Variants in DMXL1 observed in about 807,000 individuals in gnomAD.
The protein encoded by DMXL1 is dmX-like protein 1.
Under a neutral mutation model 319.2 loss-of-function variants are expected in DMXL1, and 99 were observed. That is an observed-to-expected ratio of 0.31 (90% CI 0.26 to 0.37). The LOEUF (loss-of-function observed/expected upper bound fraction) is 0.37. Among genes scored for constraint, DMXL1 ranks in the 10% least tolerant of loss-of-function variants. The pLI is 1.00. For synonymous variants in DMXL1, 1,385 were observed against 1,235.2 expected, an observed-to-expected ratio of 1.12 and a Z score of -2.54; for missense variants, 3,745 against 3,595.6, an observed-to-expected ratio of 1.04 and a Z score of -1.06.
At chr5:119,072,369 T>A (rs575170990) in intron 1 of DMXL1, among the ~76,000 whole-genome samples, 17 of 152,258 alleles carry the variant, frequency 1.1e-4, no homozygotes, top group East Asian at 3.9e-4. Context: ...GGTTTTTTTT[T>A]AATAACAATT....
rs749761677 is a variant in DMXL1 at position 119,120,957 on chromosome 5, T to A, written c.934-14T>A. On this transcript the variant is annotated splice_polypyrimidine_tract_variant and intron_variant, in intron 8 of 43. Coordinates refer to ENST00000539542, the MANE Select transcript of DMXL1 (RefSeq NM_001290321.3). Reference sequence around the variant, plus strand: ...TTGACAATATAGGTATTAGTTTTGTTTCTATTCACACAGGTAAATCTGAGA... The same window carrying A: ...TTGACAATATAGGTATTAGTTTTGTATCTATTCACACAGGTAAATCTGAGA... 21 of 1,598,096 alleles carry A rather than the reference T, an allele frequency of 1.3e-5. No individual in the cohort carries two copies. In the Admixed American group the frequency reaches 1.4e-4, roughly 11 times the overall value.
chr5:119,200,501 G>T (rs746624756), intron 32 of DMXL1, among the ~76,000 whole-genome samples: 3 of 152,130 alleles, frequency 2.0e-5, no homozygotes, highest in Non-Finnish European at 2.9e-5. Flanking sequence ...TCGAAATCAG[G>T]TAATGTGATT....
chr5:119,090,569 T>C (rs1754543635), intron 1 of DMXL1, among the ~76,000 whole-genome samples: 1 of 151,002 alleles, frequency 6.6e-6, no homozygotes, highest in South Asian at 2.1e-4. Context: ...GTTTTTTTTT[T>C]TTTTTTCTTT....
intron 30 of DMXL1, among the ~76,000 whole-genome samples, chr5:119,195,183 A>G (rs1164504234): frequency 6.6e-6 from 1 of 152,226 alleles, no homozygotes; most frequent in African/African-American, 2.4e-5. Flanking sequence ...GGAAAACGGT[A>G]TACTGGTTCC....
At chr5:119,072,717 G>T (rs1472528827) in intron 1 of DMXL1, among the ~76,000 whole-genome samples, 1 of 152,146 alleles carries the variant, frequency 6.6e-6, no homozygotes, top group Non-Finnish European at 1.5e-5. Flanking sequence ...GGCATTTAAT[G>T]CCTGAATTGT....
chr5:119,129,100 G>C (rs1764238176), intron 9 of DMXL1, 111 bp from the exon 10 acceptor site: 2 of 686,752 alleles, frequency 2.9e-6, no homozygotes, highest in South Asian at 4.6e-5. Flanking sequence ...TGAAAGAGAA[G>C]GACTTTCAGG....
At chr5:119,146,773 G>T in intron 15 of DMXL1, 64 bp from the exon 16 acceptor site, 4 of 1,438,160 alleles carry the variant, frequency 2.8e-6, no homozygotes, top group South Asian at 3.0e-5. Context: ...TTTTAACTTG[G>T]CATGTTTAGC....
chr5:119,089,787 C>G (rs1754295315), intron 1 of DMXL1, among the ~76,000 whole-genome samples: 1 of 151,360 alleles, frequency 6.6e-6, no homozygotes, highest in South Asian at 2.1e-4. Flanking sequence ...CCACCATACC[C>G]AGCTAATTTT....
intron 38 of DMXL1, among the ~76,000 whole-genome samples, chr5:119,226,268 T>C (rs779750955): frequency 1.9e-4 from 29 of 152,142 alleles, no homozygotes; most frequent in Non-Finnish European, 4.4e-5. Flanking sequence ...TTTTCCAGTA[T>C]ATCTTTTCAT....
At chr5:119,103,972 G>A (rs969972553) in intron 3 of DMXL1, among the ~76,000 whole-genome samples, 76 of 152,244 alleles carry the variant, frequency 5.0e-4, no homozygotes, top group African/African-American at 1.4e-3. Flanking sequence ...TTGCAGAAAG[G>A]ACAATAAAAA....
intron 35 of DMXL1, among the ~76,000 whole-genome samples, chr5:119,220,088 T>C (rs955885894): frequency 1.3e-5 from 2 of 152,024 alleles, no homozygotes; most frequent in African/African-American, 4.8e-5. Context: ...ATTATGTTTT[T>C]AGTTTGGAGT....
chr5:119,142,244 A>G (rs1228963079), intron 13 of DMXL1, among the ~76,000 whole-genome samples: 2 of 152,156 alleles, frequency 1.3e-5, no homozygotes, highest in African/African-American at 2.4e-5. Flanking sequence ...ATCATAACAG[A>G]GTAAATAGAC....
rs186686030 is a variant in DMXL1 at position 119,122,820 on chromosome 5, C to G, written c.1102+1681C>G. On this transcript the variant is annotated intron_variant, in intron 9 of 43. Transcript: ENST00000539542. Reference sequence around the variant, plus strand: ...GCAGAGATGCTCCTCACTTTCCAGACTGGGCAGCCAGGCAGAGGGGCTCCT... The same window carrying G: ...GCAGAGATGCTCCTCACTTTCCAGAGTGGGCAGCCAGGCAGAGGGGCTCCT... Among the ~76,000 whole-genome samples, 7 of 144,714 alleles carry G rather than the reference C, an allele frequency of 4.8e-5. No individual in the cohort carries two copies. The East Asian group carries it at 1.5e-3, about 31-fold the overall frequency. The allele number at this position is 144,714 out of a possible 152,430, so 94.9% of individuals were successfully genotyped here. A position where few individuals can be genotyped will look rare whatever the true frequency, so the allele number is the denominator to read the frequency against.
At chr5:119,086,162 A>G (rs1432898386) in intron 1 of DMXL1, among the ~76,000 whole-genome samples, 2 of 152,200 alleles carry the variant, frequency 1.3e-5, no homozygotes, top group Non-Finnish European at 2.9e-5. Flanking sequence ...AGAGAGAATG[A>G]GAGCCAAGCA....
At chr5:119,157,831 G>A (rs1463541238) in intron 19 of DMXL1, among the ~76,000 whole-genome samples, 1 of 151,730 alleles carries the variant, frequency 6.6e-6, no homozygotes, top group Non-Finnish European at 1.5e-5. Flanking sequence ...TGAATTTTAG[G>A]GTTTTTTTCT....
At chr5:119,172,928 A>G (rs1774879160) in intron 25 of DMXL1, among the ~76,000 whole-genome samples, 1 of 152,204 alleles carries the variant, frequency 6.6e-6, no homozygotes, top group Non-Finnish European at 1.5e-5. Context: ...CATAGTGCTT[A>G]TTATACAGTT....
intron 9 of DMXL1, among the ~76,000 whole-genome samples, chr5:119,124,892 G>C (rs1763168646): frequency 6.6e-6 from 1 of 152,018 alleles, no homozygotes; most frequent in African/African-American, 2.4e-5. Context: ...TTGTGGATCA[G>C]TTTAAAATTT....
At chr5:119,230,219 A>G (rs934828833) in intron 38 of DMXL1, among the ~76,000 whole-genome samples, 5 of 152,342 alleles carry the variant, frequency 3.3e-5, no homozygotes, top group Admixed American at 1.3e-4. Flanking sequence ...TAAAAGTTGT[A>G]TATCACATTA....
rs1466896165 is a variant in DMXL1 at position 119,230,213 on chromosome 5, A to G, written c.8339-3127A>G. Among the ~76,000 whole-genome samples the G allele has an allele frequency of 2.0e-5, 3 of 152,214 alleles. No individual in the cohort carries two copies. The East Asian group carries it at 5.8e-4, about 29-fold the overall frequency. On this transcript the variant is annotated intron_variant, in intron 38 of 43. Coordinates refer to ENST00000539542, the MANE Select transcript of DMXL1 (RefSeq NM_001290321.3). ...GACTAGTAAGCCTAAGTAAAATAAA[A>G]GTTGTATATCACATTATATTTAGTG...
Sources: allele counts gnomAD v4.1 joint callset (sites outside exome capture counted in the v4.1 genomes callset), GRCh38; gene constraint gnomAD v4.1.1; transcripts MANE v1.5; gene names NCBI Gene and HGNC (gene_info 2026-07-23, HGNC 2026-07-21).